The following CARMIL1 variants were observed in gnomAD, a reference collection of about 807,000 sequenced individuals.
CARMIL1 encodes F-actin-uncapping protein LRRC16A.
In CARMIL1, 90 loss-of-function variants were observed where a neutral mutation model predicts 177.1. The observed-to-expected ratio is 0.51, with a 90% CI of 0.43 to 0.61. The LOEUF is 0.61. Ranked by LOEUF, CARMIL1 falls within the 20% of genes least tolerant of loss-of-function variation. The pLI, the probability that CARMIL1 is intolerant of heterozygous loss-of-function variation, is 0.00. For missense variants in CARMIL1, 1,380 were observed against 1,667.0 expected (o/e 0.83, Z 3.00); for synonymous variants, 577 against 606.2 (o/e 0.95, Z 0.71).
chr6:25,311,147 A>T (rs1392952201), intron 2 of CARMIL1, among the ~76,000 whole-genome samples: 5 of 152,154 alleles, frequency 3.3e-5, no homozygotes, highest in Non-Finnish European at 7.4e-5. Flanking sequence ...GTGCCACTGC[A>T]CTCCAGCCTG....
At chr6:25,349,185 G>A (rs114715215) in intron 2 of CARMIL1, among the ~76,000 whole-genome samples, 1,953 of 152,292 alleles carry the variant, frequency 0.013, 9 homozygotes, top group Non-Finnish European at 0.021. Context: ...ACTGCAGGGT[G>A]CACATACACA....
intron 13 of CARMIL1, among the ~76,000 whole-genome samples, chr6:25,490,395 T>A (rs897257294): frequency 6.6e-6 from 1 of 152,146 alleles, no homozygotes; most frequent in Non-Finnish European, 1.5e-5. Context: ...TCAGAACTTT[T>A]CATAACAACA....
intron 25 of CARMIL1, 62 bp from the exon 26 acceptor site, chr6:25,539,885 C>A: frequency 7.8e-7 from 1 of 1,289,924 alleles, no homozygotes; most frequent in Non-Finnish European, 1.0e-6. Context: ...ATTCACTCTG[C>A]AATGACTTTG....
intron 17 of CARMIL1, among the ~76,000 whole-genome samples, chr6:25,500,679 C>T (rs1486792163): frequency 6.6e-6 from 1 of 152,132 alleles, no homozygotes; most frequent in Admixed American, 6.5e-5. Context: ...AGAAAATTAA[C>T]ATACCTCTAG....
intron 23 of CARMIL1, 41 bp downstream of exon 23, chr6:25,520,378 T>G: frequency 9.1e-7 from 1 of 1,093,336 alleles, no homozygotes; most frequent in Non-Finnish European, 1.3e-6. Context: ...AAATTCACAT[T>G]TGAATTGTGG....
In CARMIL1 at chr6:25,510,720, T is replaced by C; in HGVS notation, c.1590T>C (p.Pro530=). 6.5e-7 allele frequency: 1 copy of C among 1,548,862 alleles called. No individual in the cohort carries two copies. Residue 530 remains proline (P), a synonymous_variant, in exon 20 of 37, where the codon CCT becomes CCC. Transcript: ENST00000329474. ...FNNMKSKNLT[P]VLDNLVQMIQ... is the part of the protein sequence containing the mutation. ...AAAATCTCTTTAGAAATCTGACACC[T>C]GTATTGGACAACTTAGTACAGATGA...
At chr6:25,549,272 T>A (rs1445422101) in intron 26 of CARMIL1, among the ~76,000 whole-genome samples, 1 of 152,218 alleles carries the variant, frequency 6.6e-6, no homozygotes, top group African/African-American at 2.4e-5. Context: ...AGCACTGTCA[T>A]GCAGGGAGAC....
At chr6:25,466,765 C>T (rs1264438776) in intron 9 of CARMIL1, among the ~76,000 whole-genome samples, 1 of 152,048 alleles carries the variant, frequency 6.6e-6, no homozygotes, top group Non-Finnish European at 1.5e-5. Context: ...ACTTGGTTCT[C>T]TGAATTTGCC....
At chr6:25,333,794 G>T (rs898776201) in intron 2 of CARMIL1, among the ~76,000 whole-genome samples, 1 of 152,114 alleles carries the variant, frequency 6.6e-6, no homozygotes, top group Non-Finnish European at 1.5e-5. Context: ...GGCAAAACTG[G>T]TAGGCTCCAT....
intron 11 of CARMIL1, among the ~76,000 whole-genome samples, chr6:25,480,544 G>A (rs561507415): frequency 2.7e-5 from 4 of 150,844 alleles, no homozygotes; most frequent in African/African-American, 4.8e-5. Flanking sequence ...ATCTCTAGGT[G>A]TATCTCTTGA....
intron 2 of CARMIL1, among the ~76,000 whole-genome samples, chr6:25,327,926 G>T (rs879907572): frequency 6.6e-6 from 1 of 152,170 alleles, no homozygotes; most frequent in Non-Finnish European, 1.5e-5. Flanking sequence ...TACTTTTAGC[G>T]TTTTGGGTCA....
intron 2 of CARMIL1, among the ~76,000 whole-genome samples, chr6:25,400,711 A>G (rs1275247480): frequency 6.6e-6 from 1 of 152,246 alleles, no homozygotes; most frequent in East Asian, 1.9e-4. Flanking sequence ...TGATTACCCA[A>G]GTGATGTCAC....
At chr6:25,555,756 C>T (rs1810555405) in intron 28 of CARMIL1, among the ~76,000 whole-genome samples, 1 of 152,096 alleles carries the variant, frequency 6.6e-6, no homozygotes, top group African/African-American at 2.4e-5. Flanking sequence ...CCCATGGCTC[C>T]AGGAATGGCC....
intron 2 of CARMIL1, among the ~76,000 whole-genome samples, chr6:25,340,777 GTTT>G (rs34928775): frequency 7.3e-4 from 63 of 86,152 alleles, no homozygotes; most frequent in African/African-American, 2.4e-3. Flanking sequence ...GTCAATGAAG[GTTT>G]TTTTTTTTTT....
At chr6:25,280,760 G>T (rs1267397613) in intron 1 of CARMIL1, among the ~76,000 whole-genome samples, 1 of 152,092 alleles carries the variant, frequency 6.6e-6, no homozygotes, top group Non-Finnish European at 1.5e-5. Context: ...AGGTATGTGC[G>T]TCTGTGTACA....
At chr6:25,512,856 T>C (rs998299388) in intron 20 of CARMIL1, among the ~76,000 whole-genome samples, 3 of 152,152 alleles carry the variant, frequency 2.0e-5, no homozygotes, top group African/African-American at 7.2e-5. Context: ...TTGTAACCAG[T>C]AGAACAGAAT....
chr6:25,491,707 C>T lies in CARMIL1; in HGVS notation c.1066-25C>T, dbSNP rs541916964. On this transcript the variant is annotated intron_variant, in intron 13 of 36. Transcript: ENST00000329474. The stretch of plus-strand genomic sequence containing the variant: ...TATGTGTGTGTTTCTAGAATCCTAA[C>T]ATTTATCTTTTATTTTTTTTCAAGC... 11 of 1,474,922 alleles carry T rather than the reference C, an allele frequency of 7.5e-6. 1 individual carries two copies. In the East Asian group the frequency reaches 9.5e-5, roughly 13 times the overall value. 91.4% of individuals were successfully genotyped at this position (1,474,922 alleles called of 1,614,324 possible). A position where few individuals can be genotyped will look rare whatever the true frequency, so the allele number is the denominator to read the frequency against.
intron 2 of CARMIL1, among the ~76,000 whole-genome samples, chr6:25,303,788 A>G (rs536123023): frequency 5.7e-4 from 87 of 152,358 alleles, no homozygotes; most frequent in African/African-American, 2.0e-3. Context: ...GAAGATTACT[A>G]AAACATTCCA....
chr6:25,500,196 T>C lies in CARMIL1; in HGVS notation c.1356T>C (p.His452=), dbSNP rs755268894. 5 of 1,613,972 alleles carry C rather than the reference T, an allele frequency of 3.1e-6. No individual in the cohort carries two copies. In the South Asian group the frequency reaches 5.5e-5, roughly 18 times the overall value. Residue 452 remains histidine (H), a synonymous_variant, in exon 17 of 37, where the codon CAT becomes CAC. Transcript: ENST00000329474. The stretch of plus-strand genomic sequence containing the variant: ...TGTTATTGGGCCTGGCTTGTAATCA[T>C]AACTTGAAAGGGGTTTCTCTGGATC... ...KALLLGLACN[H]NLKGVSLDLS...
Sources: gnomAD v4.1 joint callset for allele counts (sites outside exome capture counted in the v4.1 genomes callset) on GRCh38, gnomAD v4.1.1 for gene constraint, MANE v1.5 for transcripts, NCBI Gene and HGNC (gene_info 2026-07-23, HGNC 2026-07-21) for gene names.